SAMD12: variants seen among roughly 807,000 people sequenced by gnomAD.
SAMD12 encodes the protein sterile alpha motif domain containing 12, also known as sterile alpha motif domain-containing protein 12.
In SAMD12, 9 loss-of-function variants were observed where a neutral mutation model predicts 15.0. That is an observed-to-expected ratio of 0.60 (90% CI 0.36 to 1.05). The LOEUF (loss-of-function observed/expected upper bound fraction) is 1.05, where lower values mean the gene tolerates loss of function less well. Ranked by LOEUF, SAMD12 falls within the 50% of genes least tolerant of loss-of-function variation. SAMD12 has a pLI of 0.01. For synonymous variants in SAMD12, 86 were observed against 90.1 expected (o/e 0.96, Z 0.25); for missense variants, 230 against 234.2 (o/e 0.98, Z 0.12).
intron 4 of SAMD12, among the ~76,000 whole-genome samples, chr8:118,302,976 T>C (rs905650744): frequency 6.6e-6 from 1 of 152,236 alleles, no homozygotes; most frequent in African/African-American, 2.4e-5. Context: ...TAAAGCCGTA[T>C]GTGATATTCA....
intron 4 of SAMD12, among the ~76,000 whole-genome samples, chr8:118,302,705 A>AT (rs1815112382): frequency 6.6e-6 from 1 of 152,128 alleles, no homozygotes; most frequent in African/African-American, 2.4e-5. Context: ...TGTCTATTTA[A>AT]TTTTGGGGGG....
At chr8:118,506,542 CT>C (rs1209365655) in intron 2 of SAMD12, among the ~76,000 whole-genome samples, 1 of 151,842 alleles carries the variant, frequency 6.6e-6, no homozygotes, top group Non-Finnish European at 1.5e-5. Flanking sequence ...TTTATGAGAA[CT>C]AGAAAAAGTT....
chr8:118,139,794 C>T, the SAMD12 span, among the ~76,000 whole-genome samples: 1 of 152,216 alleles, frequency 6.6e-6, no homozygotes, highest in African/African-American at 2.4e-5. Flanking sequence ...TTCCCACCCA[C>T]CTACCAAAAG....
chr8:118,397,861 C>T (rs1820662294), intron 3 of SAMD12, among the ~76,000 whole-genome samples: 1 of 152,132 alleles, frequency 6.6e-6, no homozygotes, highest in African/African-American at 2.4e-5. Context: ...GGTGCAATCA[C>T]AGCTCACTTC....
intron 3 of SAMD12, among the ~76,000 whole-genome samples, chr8:118,403,683 T>C (rs1333053755): frequency 6.6e-6 from 1 of 152,058 alleles, no homozygotes; most frequent in Non-Finnish European, 1.5e-5. Context: ...ATTGTGAATA[T>C]CTGGAGAACA....
chr8:118,466,614 C>A (rs1406311354), intron 2 of SAMD12, among the ~76,000 whole-genome samples: 6 of 152,110 alleles, frequency 3.9e-5, no homozygotes, highest in African/African-American at 1.2e-4. Context: ...TAATTAAAAT[C>A]TTTTGCTTTT....
intron 3 of SAMD12, among the ~76,000 whole-genome samples, chr8:118,410,922 G>A (rs796233378): frequency 3.3e-5 from 5 of 152,270 alleles, no homozygotes; most frequent in African/African-American, 9.6e-5. Context: ...TAAACAGGTG[G>A]CATTAACTTC....
At chr8:118,594,588 G>A (rs1271363513) in intron 1 of SAMD12, among the ~76,000 whole-genome samples, 1 of 151,944 alleles carries the variant, frequency 6.6e-6, no homozygotes, top group East Asian at 1.9e-4. Context: ...ATAAGAGGCT[G>A]CAAAATTGAA....
intron 4 of SAMD12, among the ~76,000 whole-genome samples, chr8:118,285,235 T>G (rs1813914661): frequency 6.6e-6 from 1 of 152,106 alleles, no homozygotes; most frequent in Admixed American, 6.6e-5. Context: ...CTGAATGGTT[T>G]GTAAATCCAT....
chr8:118,414,955 A>ATAT (rs1260942007), intron 3 of SAMD12, among the ~76,000 whole-genome samples: 2 of 152,208 alleles, frequency 1.3e-5, no homozygotes, highest in African/African-American at 4.8e-5. Flanking sequence ...ATACAAACTG[A>ATAT]TATAATTTTT....
At chr8:118,220,803 C>A (rs1263100191) in intron 4 of SAMD12, among the ~76,000 whole-genome samples, 3 of 152,164 alleles carry the variant, frequency 2.0e-5, no homozygotes, top group Non-Finnish European at 4.4e-5. Flanking sequence ...CACATCAAGG[C>A]CTTCCCAAAG....
chr8:118,508,701 C>T (rs1345931017), intron 2 of SAMD12, among the ~76,000 whole-genome samples: 5 of 152,132 alleles, frequency 3.3e-5, no homozygotes. Context: ...GAGTTTTGGG[C>T]ACACAGCAAG....
rs35454734 is a variant in SAMD12 at position 118,359,003 on chromosome 8, C to CTGTG, written c.433+20553_433+20556dup. Among the ~76,000 whole-genome samples, 337 of 149,358 alleles carry CTGTG rather than the reference C, an allele frequency of 2.3e-3. 2 individuals carry two copies. Among genetic ancestry groups the CTGTG allele is most frequent in the African/African-American group, 7.4e-3 (302 of 40,744 alleles). ...CATTGATACAGGGTATGGCATTAAA[C>CTGTG]TGTGTGTGTGTGTGTGTGTGTGTAT... On this transcript the variant is annotated intron_variant, in intron 4 of 4. Transcript: ENST00000409003.
chr8:118,603,783 T>C (rs1224431105), intron 1 of SAMD12, among the ~76,000 whole-genome samples: 1 of 152,070 alleles, frequency 6.6e-6, no homozygotes, highest in Non-Finnish European at 1.5e-5. Context: ...GGAACAAATA[T>C]CAGAATTCTT....
chr8:118,492,137 TTTAAG>T (rs1314551043), intron 2 of SAMD12, among the ~76,000 whole-genome samples: 1 of 151,752 alleles, frequency 6.6e-6, no homozygotes, highest in African/African-American at 2.4e-5. Flanking sequence ...TTTTTTTTTT[TTTAAG>T]TTTTAAGTCA....
At chr8:118,392,863 A>G (rs1010905541) in intron 3 of SAMD12, among the ~76,000 whole-genome samples, 2 of 152,032 alleles carry the variant, frequency 1.3e-5, no homozygotes, top group Admixed American at 6.6e-5. Context: ...GTGTTAATCA[A>G]AAATGTCTCA....
chr8:118,374,099 A>G (rs1454897298), downstream of SAMD12, among the ~76,000 whole-genome samples: 1 of 152,052 alleles, frequency 6.6e-6, no homozygotes, highest in East Asian at 1.9e-4. Context: ...CCAGATCTCT[A>G]TGAGGTTTCA....
chr8:118,307,120 A>G (rs1168952755), intron 4 of SAMD12, among the ~76,000 whole-genome samples: 1 of 152,196 alleles, frequency 6.6e-6, no homozygotes, highest in African/African-American at 2.4e-5. Context: ...ACCTAACATC[A>G]CAAGAAAGGC....
At chr8:118,446,778 A>G (rs910615457) in intron 2 of SAMD12, among the ~76,000 whole-genome samples, 1 of 152,042 alleles carries the variant, frequency 6.6e-6, no homozygotes, top group Non-Finnish European at 1.5e-5. Flanking sequence ...TCTCCTTTTC[A>G]CATGTCGTAT....
Sources: allele counts gnomAD v4.1 joint callset (sites outside exome capture counted in the v4.1 genomes callset), GRCh38; gene constraint gnomAD v4.1.1; transcripts MANE v1.5; gene names NCBI Gene and HGNC (gene_info 2026-07-23, HGNC 2026-07-21).